The following EYS variants were observed in gnomAD, a reference collection of about 807,000 sequenced individuals.
EYS encodes the protein protein eyes shut homolog.
Under a neutral mutation model 282.1 loss-of-function variants are expected in EYS, and 250 were observed. That is an observed-to-expected ratio of 0.89 (90% CI 0.80 to 0.98). The LOEUF is 0.98. Ranked by LOEUF, EYS falls within the 50% of genes least tolerant of loss-of-function variation. EYS has a pLI of 0.00. For synonymous variants in EYS, 1,355 were observed against 1,282.9 expected (o/e 1.06, Z -1.20); for missense variants, 4,016 against 3,709.0 (o/e 1.08, Z -2.15).
intron 15 of EYS, among the ~76,000 whole-genome samples, chr6:64,923,095 T>A (rs1768402049): frequency 6.6e-6 from 1 of 152,030 alleles, no homozygotes; most frequent in African/African-American, 2.4e-5. Context: ...CTGGGTATGT[T>A]TAGTGGCTGT....
intron 14 of EYS, among the ~76,000 whole-genome samples, chr6:64,959,152 T>A (rs1313191996): frequency 6.6e-6 from 1 of 152,144 alleles, no homozygotes; most frequent in Non-Finnish European, 1.5e-5. Context: ...AGTAGAACAA[T>A]GTAAGAATAC....
intron 19 of EYS, among the ~76,000 whole-genome samples, chr6:64,858,179 A>G (rs889803564): frequency 2.0e-5 from 3 of 152,128 alleles, no homozygotes. Context: ...GGCCAAACCA[A>G]TGTAATGGAG....
chr6:65,108,744 G>A (rs943308891), intron 12 of EYS, among the ~76,000 whole-genome samples: 2 of 152,034 alleles, frequency 1.3e-5, no homozygotes, highest in Non-Finnish European at 2.9e-5. Flanking sequence ...TTAAATTTGG[G>A]AAAGTCCAGT....
chr6:65,579,368 G>A (rs1172875286), intron 2 of EYS, among the ~76,000 whole-genome samples: 1 of 152,054 alleles, frequency 6.6e-6, no homozygotes, highest in Non-Finnish European at 1.5e-5. Context: ...GCTGATATTT[G>A]TACAGAAAAT....
chr6:64,628,006 G>C (rs544897967), intron 22 of EYS, among the ~76,000 whole-genome samples: 3 of 152,314 alleles, frequency 2.0e-5, no homozygotes, highest in South Asian at 4.1e-4. Flanking sequence ...CGTGAACCAG[G>C]GAGGCGGAGC....
At chr6:65,161,333 T>C (rs1028071380) in intron 12 of EYS, among the ~76,000 whole-genome samples, 1 of 151,066 alleles carries the variant, frequency 6.6e-6, no homozygotes, top group Non-Finnish European at 1.5e-5. Flanking sequence ...TTCAGGAAGA[T>C]TTCCCTTAAA....
At chr6:64,750,159 T>C (rs1772696789) in intron 22 of EYS, among the ~76,000 whole-genome samples, 1 of 152,060 alleles carries the variant, frequency 6.6e-6, no homozygotes, top group Non-Finnish European at 1.5e-5. Context: ...ATTATCTAGT[T>C]ATTTTTAAAG....
intron 22 of EYS, among the ~76,000 whole-genome samples, chr6:64,693,431 T>TAA (rs2149916869): frequency 6.6e-6 from 1 of 152,246 alleles, no homozygotes; most frequent in South Asian, 2.1e-4. Flanking sequence ...GCTATTGTGA[T>TAA]AAAGGTATGC....
At chr6:64,090,676 T>C (rs1772326439) in intron 31 of EYS, among the ~76,000 whole-genome samples, 1 of 152,164 alleles carries the variant, frequency 6.6e-6, no homozygotes, top group Non-Finnish European at 1.5e-5. Flanking sequence ...CTAATTTTTG[T>C]CTTGCGTTTA....
In EYS at chr6:65,405,358, C is replaced by T. The variant is rs749086805; in HGVS notation, c.872G>A (p.Cys291Tyr). The T allele has an allele frequency of 3.1e-6, 5 of 1,595,274 alleles. No homozygotes were observed. The highest frequency in any genetic ancestry group is 2.3e-5 in the South Asian group (2 of 88,490). The change falls in exon 6 of 43, where the codon TGT becomes TAT. Residue 291 changes from cysteine (C) to tyrosine (Y), a missense_variant. Cys to Tyr is a radical substitution (Grantham distance 194, BLOSUM62 -2). Coordinates refer to ENST00000503581, the MANE Select transcript of EYS (RefSeq NM_001142800.2). ...AACACAAGGTTTTGCTGACACCTCA[C>T]AGAATGGACCTTAAAAAAATCACAC... ...ECDEQFSGPF[C>Y]EVSAKPCVSL...
intron 19 of EYS, among the ~76,000 whole-genome samples, chr6:64,861,672 T>G (rs912742217): frequency 2.6e-4 from 40 of 152,246 alleles, no homozygotes; most frequent in African/African-American, 8.7e-4. Flanking sequence ...TTAAATAAAT[T>G]TTTTCAAAGG....
intron 41 of EYS, among the ~76,000 whole-genome samples, chr6:63,758,016 C>T (rs1769535035): frequency 6.6e-6 from 1 of 152,164 alleles, no homozygotes; most frequent in African/African-American, 2.4e-5. Flanking sequence ...CCTCCTGCTT[C>T]AGCCTCCTGA....
chr6:64,972,979 A>C (rs1313186229), intron 14 of EYS, among the ~76,000 whole-genome samples: 2 of 152,094 alleles, frequency 1.3e-5, no homozygotes, highest in African/African-American at 4.8e-5. Flanking sequence ...TCACAGGTAG[A>C]AAAATCTGTA....
At chr6:65,129,787 C>T (rs1459025265) in intron 12 of EYS, among the ~76,000 whole-genome samples, 1 of 151,872 alleles carries the variant, frequency 6.6e-6, no homozygotes, top group African/African-American at 2.4e-5. Flanking sequence ...TAACATTTGA[C>T]CCAACAGTCC....
intron 5 of EYS, among the ~76,000 whole-genome samples, chr6:65,457,080 C>T (rs1439050496): frequency 6.6e-6 from 1 of 152,116 alleles, no homozygotes; most frequent in Non-Finnish European, 1.5e-5. Flanking sequence ...CCATGTGTCA[C>T]TTAAAGATGG....
At chr6:65,316,049 G>T (rs950135293) in intron 11 of EYS, among the ~76,000 whole-genome samples, 19 of 152,294 alleles carry the variant, frequency 1.2e-4, no homozygotes, top group African/African-American at 4.6e-4. Context: ...TTCCTGAAGT[G>T]TCCACTCAAG....
intron 29 of EYS, among the ~76,000 whole-genome samples, chr6:64,318,054 G>A (rs1465102173): frequency 6.6e-6 from 1 of 152,052 alleles, no homozygotes; most frequent in Non-Finnish European, 1.5e-5. Context: ...GGGAGGAATA[G>A]CATTGGGAGA....
At chr6:64,993,685 C>A (rs953939563) in intron 14 of EYS, among the ~76,000 whole-genome samples, 4 of 150,728 alleles carry the variant, frequency 2.7e-5, no homozygotes, top group Non-Finnish European at 4.4e-5. Context: ...ATGTAACTAA[C>A]CTGCACGTTG....
intron 30 of EYS, among the ~76,000 whole-genome samples, chr6:64,253,505 G>A (rs548826057): frequency 1.3e-4 from 20 of 152,248 alleles, no homozygotes; most frequent in Non-Finnish European, 2.4e-4. Context: ...AGTTATCGTC[G>A]TGGGTCACTG....
Sources: gnomAD v4.1 joint callset for allele counts (sites outside exome capture counted in the v4.1 genomes callset) on GRCh38, gnomAD v4.1.1 for gene constraint, MANE v1.5 for transcripts, NCBI Gene and HGNC (gene_info 2026-07-23, HGNC 2026-07-21) for gene names.